DNPEP: variants seen among roughly 807,000 people sequenced by gnomAD.
DNPEP encodes aspartyl aminopeptidase.
Under a neutral mutation model 59.1 loss-of-function variants are expected in DNPEP, and 46 were observed. The ratio of observed to expected loss-of-function variants is 0.78; its 90% CI spans 0.61 to 0.99. The LOEUF is 0.99. Among genes scored for constraint, DNPEP ranks in the 50% least tolerant of loss-of-function variants. The probability of loss-of-function intolerance (pLI) is 0.00; values close to 1 mark genes in which losing one functional copy is unlikely to be tolerated. For missense variants in DNPEP, 617 were observed against 649.9 expected (o/e 0.95, Z 0.55); for synonymous variants, 229 against 242.2 (o/e 0.95, Z 0.50).
chr2:219,383,111 C>T lies in DNPEP; in HGVS notation c.936+20G>A. 6.2e-7 allele frequency: 1 copy of T among 1,611,598 alleles called. No individual in the cohort carries two copies. Among genetic ancestry groups the T allele is most frequent in the Admixed American group, 1.7e-5 (1 of 60,016 alleles). On this transcript the variant is annotated intron_variant, in intron 10 of 14. Coordinates refer to ENST00000273075, the MANE Select transcript of DNPEP (RefSeq NM_012100.4). Reference sequence around the variant, plus strand: ...TGGAAGACTCCGCAGAGGTGACCCTCCCCAGAACCCTCCACGTACCTCTTC... The same window carrying T: ...TGGAAGACTCCGCAGAGGTGACCCTTCCCAGAACCCTCCACGTACCTCTTC...
In DNPEP at chr2:219,385,247, A is replaced by G. The variant is rs1574986358; in HGVS notation, c.774+177T>C. ...CTAGTGGGCAGGTCTGGGGTAGGGA[A>G]CTTGTCTTTTTGAGAACCACCGCCC... On this transcript the variant is annotated intron_variant, in intron 8 of 14. Transcript: ENST00000273075. 4.5e-5 allele frequency: 26 copies of G among 573,138 alleles called. No individual in the cohort carries two copies. In the East Asian group the frequency reaches 7.4e-4, roughly 16 times the overall value. The allele number at this position is 573,138 out of a possible 1,614,324, so 35.5% of individuals were successfully genotyped here. A position where few individuals can be genotyped will look rare whatever the true frequency, so the allele number is the denominator to read the frequency against.
intron 1 of DNPEP, chr2:219,387,509 C>T: frequency 3.5e-6 from 5 of 1,438,470 alleles, no homozygotes; most frequent in Non-Finnish European, 4.6e-6. Flanking sequence ...GCATCACGTG[C>T]GCGTACCCAG....
In DNPEP at chr2:219,383,307, C is replaced by T; in HGVS notation, c.853-93G>A. ...CCTTGGGTGTGCACGCTCCCCCATC[C>T]ACCAGCACCTTGGGTGTGCACATTC... On this transcript the variant is annotated intron_variant, in intron 9 of 14. Coordinates refer to ENST00000273075, the MANE Select transcript of DNPEP (RefSeq NM_012100.4). The T allele has an allele frequency of 4.8e-6, 5 of 1,038,474 alleles. No individual in the cohort carries two copies. The South Asian group carries it at 5.3e-5, about 11-fold the overall frequency. The allele number at this position is 1,038,474 out of a possible 1,614,324, so 64.3% of individuals were successfully genotyped here. A position where few individuals can be genotyped will look rare whatever the true frequency, so the allele number is the denominator to read the frequency against.
At chr2:219,385,599 C>A in intron 7 of DNPEP, 32 bp downstream of exon 7, 1 of 1,608,594 alleles carries the variant, frequency 6.2e-7, no homozygotes, top group Non-Finnish European at 8.5e-7. Flanking sequence ...GGGGACTCTG[C>A]CGCCCTCCCC....
intron 9 of DNPEP, among the ~76,000 whole-genome samples, chr2:219,383,563 G>A (rs181076214): frequency 6.6e-6 from 1 of 151,964 alleles, no homozygotes; most frequent in Admixed American, 6.6e-5. Flanking sequence ...CATCCTTTGG[G>A]TGTTGTTCTC....
chr2:219,386,817 A>C (rs1254820106), intron 3 of DNPEP, 39 bp from the exon 4 acceptor site: 1 of 1,609,074 alleles, frequency 6.2e-7, no homozygotes, highest in South Asian at 1.1e-5. Flanking sequence ...TGTGAGTTGC[A>C]TTACTCAGCT....
chr2:219,390,251 A>G (rs1953994401), upstream of DNPEP, among the ~76,000 whole-genome samples: 1 of 152,236 alleles, frequency 6.6e-6, no homozygotes, highest in Non-Finnish European at 1.5e-5. Context: ...TAACAATTCT[A>G]TATGTGCAAA....
In DNPEP at chr2:219,376,714, C is replaced by T. The variant is rs570594037; in HGVS notation, c.1240-1692G>A. Among the ~76,000 whole-genome samples the T allele has an allele frequency of 5.3e-5, 8 of 152,156 alleles. No individual in the cohort carries two copies. In the South Asian group the frequency reaches 1.2e-3, roughly 24 times the overall value. On this transcript the variant is annotated intron_variant, in intron 13 of 14. Coordinates refer to ENST00000273075, the MANE Select transcript of DNPEP (RefSeq NM_012100.4). ...GAAGACTGAAAGAATTCAGGGGAAG[C>T]GGGCATTTTTCGGTAAATTCTAATG... is the stretch of plus-strand genomic sequence containing the variant.
chr2:219,381,825 G>A, intron 11 of DNPEP, 154 bp downstream of exon 11: 1 of 947,930 alleles, frequency 1.1e-6, no homozygotes, highest in Non-Finnish European at 1.6e-6. Context: ...TGACCAAGTT[G>A]GTCTCGCAGT....
intron 1 of DNPEP, 121 bp downstream of exon 1, chr2:219,387,638 G>A (rs1355683467): frequency 6.4e-7 from 1 of 1,550,648 alleles, no homozygotes; most frequent in Admixed American, 1.9e-5. Flanking sequence ...CCTCCGCGGG[G>A]CTTTCGGTTT....
intron 8 of DNPEP, 117 bp downstream of exon 8, chr2:219,385,307 C>T (rs542468474): frequency 4.0e-5 from 26 of 655,028 alleles, no homozygotes; most frequent in Admixed American, 2.1e-4. Context: ...CTGGGAAAAA[C>T]GGGGATGAGA....
At chr2:219,387,959 TC>T (rs1953926977), upstream of DNPEP, 2 of 970,220 alleles carry the variant, frequency 2.1e-6, no homozygotes, top group Non-Finnish European at 2.6e-6. Context: ...CGCCCACCTC[TC>T]CCCGCCCCTC....
intron 13 of DNPEP, among the ~76,000 whole-genome samples, chr2:219,379,554 C>G (rs1380176403): frequency 6.6e-6 from 1 of 152,130 alleles, no homozygotes; most frequent in African/African-American, 2.4e-5. Flanking sequence ...TTTTGAATAG[C>G]TGTACTATGT....
chr2:219,381,755 G>T, intron 11 of DNPEP, 171 bp from the exon 12 acceptor site: 1 of 900,660 alleles, frequency 1.1e-6, no homozygotes, highest in Non-Finnish European at 1.8e-6. Flanking sequence ...AGCAATAGAT[G>T]GAAACAAGTT....
upstream of DNPEP, chr2:219,389,078 A>G (rs189549652): frequency 1.1e-3 from 175 of 158,148 alleles, 1 homozygote; most frequent in African/African-American, 4.1e-3. Flanking sequence ...GGAGGTCCAC[A>G]AGGGACACAG....
chr2:219,385,855 G>T (rs969986725), intron 6 of DNPEP, 113 bp downstream of exon 6: 3 of 1,493,150 alleles, frequency 2.0e-6, no homozygotes, highest in Non-Finnish European at 9.1e-7. Flanking sequence ...AGGACCCTTA[G>T]AAATTAACTG....
chr2:219,395,701 A>G (rs970843154), intron 1 of DNPEP, among the ~76,000 whole-genome samples: 2 of 152,192 alleles, frequency 1.3e-5, no homozygotes, highest in South Asian at 4.1e-4. Context: ...CAGATCCATC[A>G]GCAAACCCTG....
At position 219,374,839 on chromosome 2, in the gene DNPEP, C is replaced by A. The variant is rs3731905; in HGVS notation, c.1407+16G>T. 4.4e-6 allele frequency: 7 copies of A among 1,607,418 alleles called. No individual in the cohort carries two copies. In the East Asian group the frequency reaches 1.3e-4, roughly 31 times the overall value. ...AAGCAGCCCAGCTGCCAGAGAGGGT[C>A]TGGGGTGGGTGTTACCTTGAAGAGG... On this transcript the variant is annotated intron_variant, in intron 14 of 14. Transcript: ENST00000273075.
rs748726652 is a variant in DNPEP, at chr2:219,387,173, G to C, written c.37-10C>G. On this transcript the variant is annotated splice_polypyrimidine_tract_variant and intron_variant, in intron 1 of 14. Coordinates refer to ENST00000273075, the MANE Select transcript of DNPEP (RefSeq NM_012100.4). ...TACCGTTCATGGCCACCTAGGGGAG[G>C]GGGATGCTCAGACTTTTACAAGGTC... 1 of 1,553,092 alleles carries C rather than the reference G, an allele frequency of 6.4e-7. No individual in the cohort carries two copies. The highest frequency in any genetic ancestry group is 1.4e-5 in the African/African-American group (1 of 73,012).
Sources: gnomAD v4.1 joint callset for allele counts (sites outside exome capture counted in the v4.1 genomes callset) on GRCh38, gnomAD v4.1.1 for gene constraint, MANE v1.5 for transcripts, NCBI Gene and HGNC (gene_info 2026-07-23, HGNC 2026-07-21) for gene names.